The following ARID1B variants were observed in gnomAD, a reference collection of about 807,000 sequenced individuals.
ARID1B encodes the protein AT-rich interactive domain-containing protein 1B.
Under a neutral mutation model 212.3 loss-of-function variants are expected in ARID1B, and 30 were observed. The observed-to-expected ratio is 0.14, with a 90% CI of 0.11 to 0.19. The LOEUF is 0.19. Ranked by LOEUF, ARID1B falls within the 10% of genes least tolerant of loss-of-function variation. ARID1B has a pLI of 1.00. For synonymous variants in ARID1B, 1,402 were observed against 1,301.7 expected, an observed-to-expected ratio of 1.08 and a Z score of -1.66; for missense variants, 2,891 against 3,204.0, an observed-to-expected ratio of 0.90 and a Z score of 2.36.
intron 2 of ARID1B, 75 bp downstream of exon 2, chr6:156,829,496 G>C: frequency 7.1e-6 from 10 of 1,408,262 alleles, no homozygotes; most frequent in Non-Finnish European, 9.5e-6. Context: ...ACCTAAGATT[G>C]ATGTTAAAGA....
At chr6:157,067,825 T>C (rs1246660027) in intron 4 of ARID1B, among the ~76,000 whole-genome samples, 2 of 152,204 alleles carry the variant, frequency 1.3e-5, no homozygotes, top group Admixed American at 6.5e-5. Context: ...CTTTTCTTCC[T>C]GTATCCTGCC....
At chr6:157,172,706 G>C (rs1296221001) in intron 9 of ARID1B, 1 of 152,124 alleles carries the variant, frequency 6.6e-6, no homozygotes, top group Non-Finnish European at 1.5e-5. Context: ...CTCTCTCACT[G>C]CTGTAATTAA....
At chr6:157,115,218 CTG>C (rs938236549) in intron 6 of ARID1B, among the ~76,000 whole-genome samples, 36 of 152,268 alleles carry the variant, frequency 2.4e-4, no homozygotes, top group African/African-American at 8.4e-4. Flanking sequence ...ATGAAAATAA[CTG>C]TGAGTTTCTA....
At chr6:156,812,822 A>T (rs1208930423) in intron 1 of ARID1B, among the ~76,000 whole-genome samples, 3 of 150,290 alleles carry the variant, frequency 2.0e-5, no homozygotes, top group Non-Finnish European at 4.4e-5. Flanking sequence ...TTTCCTACAG[A>T]TCCTCAACAG....
intron 2 of ARID1B, among the ~76,000 whole-genome samples, chr6:156,881,869 A>C (rs1208060800): frequency 6.6e-6 from 1 of 152,202 alleles, no homozygotes; most frequent in Admixed American, 6.5e-5. Flanking sequence ...CTAGTGTAGC[A>C]TTGGGGGAAG....
At chr6:156,912,750 T>C (rs1409331681) in intron 3 of ARID1B, among the ~76,000 whole-genome samples, 1 of 152,194 alleles carries the variant, frequency 6.6e-6, no homozygotes, top group East Asian at 1.9e-4. Flanking sequence ...GAAATCTCCT[T>C]GTTCCTCTGG....
chr6:157,129,979 G>A (rs1475884375), intron 6 of ARID1B, among the ~76,000 whole-genome samples: 1 of 152,090 alleles, frequency 6.6e-6, no homozygotes, highest in Non-Finnish European at 1.5e-5. Context: ...GACCAGCCTG[G>A]CCAACATGGT....
intron 4 of ARID1B, among the ~76,000 whole-genome samples, chr6:157,003,897 A>G (rs1185781419): frequency 2.6e-5 from 4 of 152,030 alleles, no homozygotes; most frequent in Non-Finnish European, 5.9e-5. Context: ...CGAGAGTTCA[A>G]GGCGAGGCAA....
chr6:157,086,983 A>G (rs1785005302), intron 5 of ARID1B, among the ~76,000 whole-genome samples: 1 of 152,156 alleles, frequency 6.6e-6, no homozygotes, highest in Non-Finnish European at 1.5e-5. Flanking sequence ...ACTTTCTTGG[A>G]CACGTTATTT....
chr6:156,925,803 G>A (rs1028243908), intron 3 of ARID1B, among the ~76,000 whole-genome samples: 2 of 152,106 alleles, frequency 1.3e-5, no homozygotes, highest in Non-Finnish European at 2.9e-5. Flanking sequence ...GTAGTCTTCT[G>A]AACAGATAAT....
chr6:156,869,155 A>G (rs1251787867), intron 2 of ARID1B, among the ~76,000 whole-genome samples: 1 of 152,220 alleles, frequency 6.6e-6, no homozygotes, highest in Non-Finnish European at 1.5e-5. Flanking sequence ...TCTTCAAAGG[A>G]ATTTAAAGAT....
intron 1 of ARID1B, among the ~76,000 whole-genome samples, chr6:156,801,112 G>T (rs751911234): frequency 4.6e-5 from 7 of 151,472 alleles, no homozygotes; most frequent in Non-Finnish European, 8.8e-5. Context: ...AAACCTACTA[G>T]TACTGTGCCT....
At chr6:156,865,872 CTTAT>C (rs74273753) in intron 2 of ARID1B, among the ~76,000 whole-genome samples, 7,584 of 151,946 alleles carry the variant, frequency 0.05, 244 homozygotes, top group Middle Eastern at 0.11. Context: ...GACTCCTGTT[CTTAT>C]TTGAGGGTAG....
At position 157,189,797 on chromosome 6, in the gene ARID1B, C is replaced by CA; in HGVS notation, c.4058+17_4058+18insA. The CA allele has an allele frequency of 6.2e-7, 1 of 1,612,734 alleles. No homozygotes were observed. The highest frequency in any genetic ancestry group is 1.3e-5 in the African/African-American group (1 of 74,994). The stretch of plus-strand genomic sequence containing the variant: ...AGGTGGAAGGTATGTTCAAATAACT[C>CA]TGTGAGGCATACAAAGTCACATTTG... On this transcript the variant is annotated intron_variant, in intron 14 of 19. Coordinates refer to ENST00000636930, the MANE Select transcript of ARID1B (RefSeq NM_001374828.1).
chr6:157,184,607 G>A, intron 13 of ARID1B, 172 bp downstream of exon 13: 2 of 731,174 alleles, frequency 2.7e-6, no homozygotes, highest in Middle Eastern at 2.4e-4. Flanking sequence ...CAGTGTTAAG[G>A]GATGAGAGAA....
chr6:157,061,026 A>T (rs1783309329), intron 4 of ARID1B, among the ~76,000 whole-genome samples: 2 of 152,024 alleles, frequency 1.3e-5, no homozygotes, highest in South Asian at 4.2e-4. Context: ...GCACCTCTGG[A>T]TGGGCAGAGG....
chr6:157,059,818 G>T (rs1583232819), intron 4 of ARID1B, among the ~76,000 whole-genome samples: 1 of 152,328 alleles, frequency 6.6e-6, no homozygotes, highest in Non-Finnish European at 1.5e-5. Flanking sequence ...GTGCATTTCA[G>T]AATTTACAAA....
chr6:156,825,142 G>C (rs1460766374), intron 1 of ARID1B, among the ~76,000 whole-genome samples: 1 of 152,200 alleles, frequency 6.6e-6, no homozygotes, highest in Non-Finnish European at 1.5e-5. Flanking sequence ...TGGGATTACA[G>C]GCGTGAGCCG....
intron 4 of ARID1B, among the ~76,000 whole-genome samples, chr6:157,004,144 A>G (rs886272426): frequency 1.3e-5 from 2 of 152,066 alleles, no homozygotes; most frequent in Non-Finnish European, 2.9e-5. Context: ...ACCTCAAGCA[A>G]TCCTCTCGTT....
Sources: gnomAD v4.1 joint callset for allele counts (sites outside exome capture counted in the v4.1 genomes callset) on GRCh38, gnomAD v4.1.1 for gene constraint, MANE v1.5 for transcripts, NCBI Gene and HGNC (gene_info 2026-07-23, HGNC 2026-07-21) for gene names.